Variants in ARHGEF18 observed in about 807,000 individuals in gnomAD.
ARHGEF18 encodes Rho/Rac guanine nucleotide exchange factor 18, also known as rho guanine nucleotide exchange factor 18.
Under a neutral mutation model 155.7 loss-of-function variants are expected in ARHGEF18, and 93 were observed. The ratio of observed to expected loss-of-function variants is 0.60; its 90% confidence interval spans 0.50 to 0.71. The LOEUF (loss-of-function observed/expected upper bound fraction) is 0.71, where lower values mean the gene tolerates loss of function less well. Ranked by LOEUF, ARHGEF18 falls within the 30% of genes least tolerant of loss-of-function variation. ARHGEF18 has a pLI of 0.00. For missense variants in ARHGEF18, 1,593 were observed against 1,816.1 expected (o/e 0.88, Z 2.23); for synonymous variants, 742 against 753.1 (o/e 0.99, Z 0.24).
At chr19:7,429,806 C>T (rs1212788535) in intron 10 of ARHGEF18, among the ~76,000 whole-genome samples, 3 of 152,088 alleles carry the variant, frequency 2.0e-5, no homozygotes, top group African/African-American at 7.2e-5. Flanking sequence ...GCATGCATGC[C>T]ACGGAGAGGG....
At chr19:7,366,308 C>A (rs1211628500) in intron 2 of ARHGEF18, among the ~76,000 whole-genome samples, 1 of 152,206 alleles carries the variant, frequency 6.6e-6, no homozygotes, top group Non-Finnish European at 1.5e-5. Flanking sequence ...CTATTGGAAA[C>A]TTCCAGATTA....
intron 20 of ARHGEF18, among the ~76,000 whole-genome samples, chr19:7,461,075 C>T (rs1976221278): frequency 6.6e-6 from 1 of 151,488 alleles, no homozygotes; most frequent in Non-Finnish European, 1.5e-5. Context: ...GCGTGAGCCA[C>T]CGCTCCCGGC....
At chr19:7,446,895 CAAAAAA>C in intron 14 of ARHGEF18, 142 bp from the exon 15 acceptor site, 1 of 706,622 alleles carries the variant, frequency 1.4e-6, no homozygotes, top group Middle Eastern at 5.1e-4. Flanking sequence ...GATGCTGTCT[CAAAAAA>C]AAAAAAAAAA....
chr19:7,467,749 G>A, intron 26 of ARHGEF18, 65 bp downstream of exon 26: 2 of 1,387,216 alleles, frequency 1.4e-6, no homozygotes, highest in East Asian at 3.0e-5. Context: ...ATTTGCACGA[G>A]TGCATGCAGG....
At chr19:7,406,174 G>A (rs1003995949) in intron 10 of ARHGEF18, among the ~76,000 whole-genome samples, 3 of 151,856 alleles carry the variant, frequency 2.0e-5, no homozygotes, top group African/African-American at 7.3e-5. Flanking sequence ...TCCACCATCC[G>A]CTTGGGTTCA....
Position 7,457,353 on chromosome 19 carries a change from C to CTTTTTTTTT in ARHGEF18, c.2181+969_2181+977dup, listed in dbSNP as rs1159186670. Among the ~76,000 whole-genome samples, 253 of 60,238 alleles carry CTTTTTTTTT rather than the reference C, an allele frequency of 4.2e-3. 46 individuals are homozygous for CTTTTTTTTT. The highest frequency in any genetic ancestry group is 0.019 in the African/African-American group (240 of 12,346). 39.5% of individuals were successfully genotyped at this position (60,238 alleles called of 152,430 possible). On this transcript the variant is annotated intron_variant, in intron 18 of 28. Transcript: ENST00000668164. Reference sequence around the variant, plus strand: ...ATCTCATTTTGCCATAATCACCTCTCTTTTTTTTTTTTTTTTTTTTTTTTT... The same window carrying CTTTTTTTTT: ...ATCTCATTTTGCCATAATCACCTCTCTTTTTTTTTTTTTTTTTTTTTTTTTTTTTTTTTT...
intron 2 of ARHGEF18, among the ~76,000 whole-genome samples, chr19:7,370,204 A>G (rs1349319621): frequency 1.3e-5 from 2 of 152,064 alleles, no homozygotes; most frequent in African/African-American, 4.8e-5. Flanking sequence ...CTCAAAAAGT[A>G]AAAAATAGGG....
At chr19:7,408,170 T>C (rs1164554265) in intron 10 of ARHGEF18, among the ~76,000 whole-genome samples, 1 of 151,698 alleles carries the variant, frequency 6.6e-6, no homozygotes, top group Non-Finnish European at 1.5e-5. Context: ...TCCCAGCTAC[T>C]TGGGGGGTGA....
At chr19:7,381,160 CTGAGA>C (rs1970714795) in intron 8 of ARHGEF18, among the ~76,000 whole-genome samples, 166 bp downstream of exon 8, 1 of 152,074 alleles carries the variant, frequency 6.6e-6, no homozygotes, top group African/African-American at 2.4e-5. Flanking sequence ...CCCGTATACC[CTGAGA>C]GGACAGAGGA....
chr19:7,397,498 CGGGGGG>C (rs374998227), intron 10 of ARHGEF18, among the ~76,000 whole-genome samples: 4 of 149,170 alleles, frequency 2.7e-5, no homozygotes. Flanking sequence ...TTGGGAGGCC[CGGGGGG>C]GGGCAGATCA....
chr19:7,451,269 A>G lies in ARHGEF18; in HGVS notation c.1855+3A>G. ...GCGCATCATCCAGAACACGGAAGGT[A>G]GGCCTTCTCCCCACTGCCCCGCCCG... On this transcript the variant is annotated splice_donor_region_variant and intron_variant, in intron 16 of 28. Transcript: ENST00000668164. 6.2e-7 allele frequency: 1 copy of G among 1,613,340 alleles called. No individual in the cohort carries two copies.
chr19:7,403,077 G>A (rs781436868), intron 10 of ARHGEF18, among the ~76,000 whole-genome samples: 12 of 152,206 alleles, frequency 7.9e-5, no homozygotes, highest in Admixed American at 2.0e-4. Context: ...ACAGTGGCGC[G>A]ATCTCGGCTC....
At chr19:7,427,379 G>A (rs1028542898) in intron 10 of ARHGEF18, among the ~76,000 whole-genome samples, 1 of 152,148 alleles carries the variant, frequency 6.6e-6, no homozygotes, top group Non-Finnish European at 1.5e-5. Flanking sequence ...GGTGGCTCTC[G>A]CCTGTAATCC....
At chr19:7,397,910 G>A (rs558028762) in intron 10 of ARHGEF18, among the ~76,000 whole-genome samples, 137 of 152,122 alleles carry the variant, frequency 9.0e-4, no homozygotes, top group African/African-American at 3.3e-3. Flanking sequence ...AACAGTGTAT[G>A]TATTTATCAT....
In ARHGEF18 at chr19:7,392,397, A is replaced by G. The variant is rs533349486; in HGVS notation, c.967+9194A>G. ...ACCTGAAGTTTCCTATAACCAAGAT[A>G]GCTATAGAAATAAGGCTGATGGCCA... On this transcript the variant is annotated intron_variant, in intron 10 of 28. Coordinates refer to ENST00000668164, the MANE Select transcript of ARHGEF18 (RefSeq NM_001367823.1). 1.8e-3 allele frequency among the ~76,000 whole-genome samples: 271 copies of G among 152,042 alleles called. 2 individuals carry two copies. The highest frequency in any genetic ancestry group is 6.1e-3 in the African/African-American group (255 of 41,464).
rs950452706 is a variant in ARHGEF18 at position 7,460,130 on chromosome 19, C to G, written c.2452+136C>G. On this transcript the variant is annotated intron_variant, in intron 20 of 28. Transcript: ENST00000668164. ...GTGGGCTGTGCCATGTCCTGCAGCT[C>G]TGTGAAGCATTAGAACGGGCTGTGC... is the stretch of plus-strand genomic sequence containing the variant. 3.5e-4 allele frequency: 289 copies of G among 823,434 alleles called. 4 individuals are homozygous for G. Among genetic ancestry groups the G allele is most frequent in the Non-Finnish European group, 5.8e-5 (30 of 517,526 alleles). 51.0% of individuals were successfully genotyped at this position (823,434 alleles called of 1,614,324 possible). A position where few individuals can be genotyped will look rare whatever the true frequency, so the allele number is the denominator to read the frequency against.
intron 10 of ARHGEF18, among the ~76,000 whole-genome samples, chr19:7,404,151 T>C (rs1972169121): frequency 6.6e-6 from 1 of 151,926 alleles, no homozygotes; most frequent in Admixed American, 6.6e-5. Flanking sequence ...GGCCTAGTTA[T>C]TTGTAATCTG....
rs192622372 is a variant in ARHGEF18, at chr19:7,447,262, G to A, written c.1737+94G>A. ...TCCCAGCACTTTGGGAGTCTGAGGC[G>A]GGCGGATCACAAGGCCAGGAGATCG... On this transcript the variant is annotated intron_variant, in intron 15 of 28. Coordinates refer to ENST00000668164, the MANE Select transcript of ARHGEF18 (RefSeq NM_001367823.1). The A allele has an allele frequency of 1.2e-3, 1,503 of 1,259,092 alleles. 24 individuals are homozygous for A. In the East Asian group the frequency reaches 0.033, roughly 27 times the overall value. The allele number at this position is 1,259,092 out of a possible 1,614,324, so 78.0% of individuals were successfully genotyped here.
chr19:7,387,356 G>C (rs756911732), intron 10 of ARHGEF18, among the ~76,000 whole-genome samples: 4 of 152,072 alleles, frequency 2.6e-5, no homozygotes, highest in African/African-American at 4.8e-5. Context: ...GTTTCACCGT[G>C]TTAACCAGGA....
Sources: gnomAD v4.1 joint callset for allele counts (sites outside exome capture counted in the v4.1 genomes callset) on GRCh38, gnomAD v4.1.1 for gene constraint, MANE v1.5 for transcripts, NCBI Gene and HGNC (gene_info 2026-07-23, HGNC 2026-07-21) for gene names.